Variants in PRRC2C observed in about 807,000 individuals in gnomAD.
The protein encoded by PRRC2C is proline rich coiled-coil 2C, also known as protein PRRC2C.
Under a neutral mutation model 317.2 loss-of-function variants are expected in PRRC2C, and 72 were observed. The ratio of observed to expected loss-of-function variants is 0.23; its 90% CI spans 0.19 to 0.28. The LOEUF (loss-of-function observed/expected upper bound fraction) is 0.28, where lower values mean the gene tolerates loss of function less well. PRRC2C is among the 10% of genes least tolerant of loss of function. PRRC2C has a pLI of 1.00. For synonymous variants in PRRC2C, 1,296 were observed against 1,205.9 expected, an observed-to-expected ratio of 1.07 and a Z score of -1.55; for missense variants, 3,074 against 3,459.7, an observed-to-expected ratio of 0.89 and a Z score of 2.80.
intron 28 of PRRC2C, 104 bp downstream of exon 28, chr1:171,580,068 G>A: frequency 9.4e-7 from 1 of 1,067,266 alleles, no homozygotes; most frequent in Middle Eastern, 3.1e-4. Flanking sequence ...AACCTAGGAT[G>A]ACTCTGCTAT....
At chr1:171,562,445 A>G (rs1454054058) in intron 20 of PRRC2C, among the ~76,000 whole-genome samples, 1 of 152,200 alleles carries the variant, frequency 6.6e-6, no homozygotes, top group African/African-American at 2.4e-5. Flanking sequence ...TGTGAAAAAT[A>G]ATTCATAGGT....
chr1:171,525,973 A>C (rs997429050), intron 10 of PRRC2C, among the ~76,000 whole-genome samples: 1 of 152,184 alleles, frequency 6.6e-6, no homozygotes, highest in African/African-American at 2.4e-5. Context: ...CCATTGAATA[A>C]ATTTATGAAC....
At position 171,532,875 on chromosome 1, in the gene PRRC2C, A is replaced by G. The variant is rs752494072; in HGVS notation, c.1787A>G (p.Glu596Gly). The change falls in exon 12 of 35, where the codon GAA becomes GGA. Residue 596 changes from glutamate (E) to glycine (G), a missense_variant. Glu to Gly is a moderately conservative substitution (Grantham distance 98). Around this residue, in one of 11 missense-constraint regions of PRRC2C, gnomAD observed 1,320 missense variants for 1,395.7 expected, o/e 0.95. Coordinates refer to ENST00000647382, the MANE Select transcript of PRRC2C (RefSeq NM_001387844.1). ...GAATGTGAGCTGGAGAAGGAAAGGG[A>G]AAAATTAGAGGAGAAAATTGAACCC... ...EKECELEKER[E>G]KLEEKIEPRE... 28 of 1,587,716 alleles carry G rather than the reference A, an allele frequency of 1.8e-5. No homozygotes were observed. Among genetic ancestry groups the G allele is most frequent in the Non-Finnish European group, 2.4e-5 (28 of 1,173,932 alleles).
At chr1:171,506,687 T>TTGTGTGTG (rs34060083) in intron 1 of PRRC2C, among the ~76,000 whole-genome samples, 10,878 of 136,430 alleles carry the variant, frequency 0.08, 445 homozygotes, top group South Asian at 0.1. Flanking sequence ...TTTTTTTTCT[T>TTGTGTGTG]TGTGTGTGTG....
chr1:171,508,654 T>C (rs1670709858), intron 1 of PRRC2C, among the ~76,000 whole-genome samples: 1 of 152,244 alleles, frequency 6.6e-6, no homozygotes, highest in Non-Finnish European at 1.5e-5. Flanking sequence ...CTACTTTGTG[T>C]TCCTTCATAA....
At chr1:171,548,096 G>A (rs1264870937) in intron 17 of PRRC2C, among the ~76,000 whole-genome samples, 2 of 152,112 alleles carry the variant, frequency 1.3e-5, no homozygotes, top group Admixed American at 1.3e-4. Context: ...CTTCTGAATA[G>A]GTGGGACTAC....
At chr1:171,576,790 T>A (rs1255257450) in intron 25 of PRRC2C, among the ~76,000 whole-genome samples, 1 of 152,110 alleles carries the variant, frequency 6.6e-6, no homozygotes, top group East Asian at 1.9e-4. Context: ...ACTCCTGGGT[T>A]CAAGCAATCC....
chr1:171,486,868 C>T (rs561706047), intron 1 of PRRC2C, among the ~76,000 whole-genome samples: 5 of 152,300 alleles, frequency 3.3e-5, no homozygotes, highest in Non-Finnish European at 4.4e-5. Context: ...TTTCACCTCC[C>T]ATATTGGTAA....
chr1:171,507,901 T>C (rs1014614520), intron 1 of PRRC2C, among the ~76,000 whole-genome samples: 1 of 152,224 alleles, frequency 6.6e-6, no homozygotes, highest in African/African-American at 2.4e-5. Flanking sequence ...TTATTCTTTT[T>C]GATGCTCTAG....
chr1:171,526,803 A>ATTTTTTTTTTTTTTTTTTTT (rs1557918055), intron 10 of PRRC2C, among the ~76,000 whole-genome samples: 1 of 85,794 alleles, frequency 1.2e-5, no homozygotes, highest in African/African-American at 4.8e-5. Flanking sequence ...TCAGAAATAT[A>ATTTTTTTTTTTTTTTTTTTT]TCTTTTTTTT....
chr1:171,587,304 C>A, intron 31 of PRRC2C, 83 bp downstream of exon 31: 2 of 1,271,112 alleles, frequency 1.6e-6, no homozygotes, highest in Non-Finnish European at 2.1e-6. Context: ...ATCTAAAAAA[C>A]TAAAATGCGT....
chr1:171,496,296 G>A (rs1158967954), intron 1 of PRRC2C, among the ~76,000 whole-genome samples: 3 of 133,902 alleles, frequency 2.2e-5, no homozygotes, highest in Non-Finnish European at 4.6e-5. Context: ...TCTGCCTCCC[G>A]GGTGCAAGCG....
chr1:171,589,330 T>TTTTAA, intron 33 of PRRC2C, 39 bp from the exon 34 acceptor site: 1 of 691,966 alleles, frequency 1.4e-6, no homozygotes, highest in Non-Finnish European at 2.0e-6. Context: ...TTTTTTTTTT[T>TTTTAA]AACAGTTCAA....
At chr1:171,499,704 T>G (rs1668747870) in intron 1 of PRRC2C, among the ~76,000 whole-genome samples, 1 of 152,120 alleles carries the variant, frequency 6.6e-6, no homozygotes, top group African/African-American at 2.4e-5. Flanking sequence ...CTCTGGAGGC[T>G]GAGGCAGGAG....
At chr1:171,589,313 T>TTG in intron 33 of PRRC2C, 56 bp from the exon 34 acceptor site, 1 of 684,568 alleles carries the variant, frequency 1.5e-6, no homozygotes, top group Non-Finnish European at 2.1e-6. Context: ...TGGCAGTTTT[T>TTG]TTTTTTTTTT....
intron 23 of PRRC2C, among the ~76,000 whole-genome samples, chr1:171,571,079 C>T (rs1038368405): frequency 7.2e-5 from 11 of 152,174 alleles, no homozygotes; most frequent in African/African-American, 1.9e-4. Context: ...CTGGTGCAGA[C>T]TCTCTTTCTG....
chr1:171,550,006 A>G (rs1234261540), intron 17 of PRRC2C, 80 bp from the exon 18 acceptor site: 5 of 1,063,810 alleles, frequency 4.7e-6, no homozygotes, highest in East Asian at 5.7e-5. Flanking sequence ...TTTTTTTTTT[A>G]AGTACTACTG....
chr1:171,526,400 C>T (rs1031252692), intron 10 of PRRC2C, among the ~76,000 whole-genome samples: 19 of 152,102 alleles, frequency 1.2e-4, no homozygotes, highest in Admixed American at 9.8e-4. Flanking sequence ...TGGAGTTGCG[C>T]GATCTTGGCT....
chr1:171,537,490 A>T lies in PRRC2C; in HGVS notation c.2504+17A>T. 1 of 1,538,688 alleles carries T rather than the reference A, an allele frequency of 6.5e-7. No individual in the cohort carries two copies. Among genetic ancestry groups the T allele is most frequent in the Non-Finnish European group, 8.8e-7 (1 of 1,135,144 alleles). On this transcript the variant is annotated intron_variant, in intron 15 of 34. Coordinates refer to ENST00000647382, the MANE Select transcript of PRRC2C (RefSeq NM_001387844.1). ...GGATGTAAGGTAATAAATTATTTCAATTTAATAGATGATACAGAATATTTT... is the reference window on the plus strand; with the variant it reads ...GGATGTAAGGTAATAAATTATTTCATTTTAATAGATGATACAGAATATTTT...
Sources: gnomAD v4.1 joint callset for allele counts (sites outside exome capture counted in the v4.1 genomes callset) on GRCh38, gnomAD v4.1.1 for gene constraint, gnomAD v4.1.1 regional missense constraint, MANE v1.5 for transcripts, NCBI Gene and HGNC (gene_info 2026-07-23, HGNC 2026-07-21) for gene names.